PTPN3: variants seen among roughly 807,000 people sequenced by gnomAD.
PTPN3 encodes the protein protein tyrosine phosphatase non-receptor type 3.
A neutral mutation model predicts 132.7 loss-of-function variants in PTPN3; 96 were observed. The ratio of observed to expected loss-of-function variants is 0.72; its 90% CI spans 0.61 to 0.86. The LOEUF (loss-of-function observed/expected upper bound fraction) is 0.86, where lower values mean the gene tolerates loss of function less well. Ranked by LOEUF, PTPN3 falls within the 40% of genes least tolerant of loss-of-function variation. PTPN3 has a pLI of 0.00. For synonymous variants in PTPN3, 398 were observed against 429.0 expected (o/e 0.93, Z 0.89); for missense variants, 1,125 against 1,159.6 (o/e 0.97, Z 0.43).
At chr9:109,412,460 G>A (rs747803370) in intron 14 of PTPN3, among the ~76,000 whole-genome samples, 4 of 151,236 alleles carry the variant, frequency 2.6e-5, no homozygotes, top group South Asian at 2.1e-4. Flanking sequence ...TGCAACCTCC[G>A]CCTCCCGGGT....
At chr9:109,470,711 T>G (rs2132071196) in intron 1 of PTPN3, among the ~76,000 whole-genome samples, 1 of 151,294 alleles carries the variant, frequency 6.6e-6, no homozygotes, top group Admixed American at 6.6e-5. Context: ...AAAAAAAAAT[T>G]TACAAACACT....
rs770860303 is a variant in PTPN3 at position 109,410,061 on chromosome 9, T to A, written c.1516A>T (p.Ser506Cys). ...YYCDKNDNGD[S>C]YLVLIRITPD... ...GTGATACGGATCAAGACTAAGTAGCTGTCACCATTATCATTCTGGAAAACG... is the reference window on the plus strand; with the variant it reads ...GTGATACGGATCAAGACTAAGTAGCAGTCACCATTATCATTCTGGAAAACG... The change falls in exon 16 of 26, where the codon AGC (serine) becomes TGC (cysteine). Residue 506 changes from serine (S) to cysteine (C), a missense_variant. By Grantham distance (112) the Ser-to-Cys change is moderately radical. Transcript: ENST00000374541. The A allele has an allele frequency of 6.2e-6, 10 of 1,614,136 alleles. No homozygotes were observed. The highest frequency in any genetic ancestry group is 8.5e-6 in the Non-Finnish European group (10 of 1,180,060).
intron 19 of PTPN3, among the ~76,000 whole-genome samples, chr9:109,402,113 T>G (rs1841173938): frequency 6.6e-6 from 1 of 152,056 alleles, no homozygotes; most frequent in African/African-American, 2.4e-5. Flanking sequence ...ACAAACGACT[T>G]CTCACTGCCT....
At chr9:109,473,304 A>G (rs1000587227) in intron 1 of PTPN3, among the ~76,000 whole-genome samples, 1 of 152,188 alleles carries the variant, frequency 6.6e-6, no homozygotes, top group Non-Finnish European at 1.5e-5. Context: ...GCCCGGGTGG[A>G]GTCATTTGTA....
chr9:109,526,670 G>C, the PTPN3 span, among the ~76,000 whole-genome samples: 46 of 152,164 alleles, frequency 3.0e-4, 1 homozygote, highest in East Asian at 8.3e-3. Context: ...GTGAGCCCTT[G>C]TCTAAATAAA....
At chr9:109,463,206 T>C in intron 2 of PTPN3, 91 bp downstream of exon 2, 3 of 1,281,584 alleles carry the variant, frequency 2.3e-6, no homozygotes, top group Non-Finnish European at 3.2e-6. Flanking sequence ...TTTTAAAATA[T>C]TTTTTTCTTC....
chr9:109,408,796 A>ATATATATAT (rs1554783378), intron 16 of PTPN3, among the ~76,000 whole-genome samples: 51 of 108,346 alleles, frequency 4.7e-4, no homozygotes, highest in Admixed American at 1.5e-3. Flanking sequence ...AAAAAAAAAA[A>ATATATATAT]ATATATATAT....
intron 2 of PTPN3, among the ~76,000 whole-genome samples, chr9:109,461,971 C>G (rs1304722947): frequency 1.3e-5 from 2 of 152,178 alleles, no homozygotes; most frequent in Non-Finnish European, 2.9e-5. Flanking sequence ...TCTAATTAGA[C>G]TTTGGAGACA....
intron 4 of PTPN3, 77 bp from the exon 5 acceptor site, chr9:109,454,651 G>A: frequency 8.8e-7 from 1 of 1,141,938 alleles, no homozygotes; most frequent in African/African-American, 1.5e-5. Context: ...TCTTCCATAA[G>A]TGATGCATTT....
chr9:109,441,301 CAAAG>C (rs1303259546), intron 7 of PTPN3, among the ~76,000 whole-genome samples: 1 of 152,206 alleles, frequency 6.6e-6, no homozygotes, highest in Non-Finnish European at 1.5e-5. Context: ...TGTTTTGCAG[CAAAG>C]AGAGGGTATA....
intron 9 of PTPN3, among the ~76,000 whole-genome samples, chr9:109,434,393 C>T (rs1423865675): frequency 6.8e-6 from 1 of 147,040 alleles, no homozygotes; most frequent in Admixed American, 6.8e-5. Flanking sequence ...ACTGCAGCCT[C>T]AACCTCCTGG....
chr9:109,477,445 G>A (rs1209818287), intron 1 of PTPN3, among the ~76,000 whole-genome samples: 2 of 152,204 alleles, frequency 1.3e-5, no homozygotes, highest in African/African-American at 4.8e-5. Flanking sequence ...TTTCAGCAAA[G>A]TTATTTTAAA....
chr9:109,465,508 G>A (rs1588472072), intron 1 of PTPN3, among the ~76,000 whole-genome samples: 1 of 151,982 alleles, frequency 6.6e-6, no homozygotes, highest in Non-Finnish European at 1.5e-5. Context: ...TCAGGAGTTC[G>A]AGACCAGCCT....
chr9:109,438,327 A>G, intron 7 of PTPN3, 93 bp from the exon 8 acceptor site: 1 of 1,351,724 alleles, frequency 7.4e-7, no homozygotes, highest in Non-Finnish European at 1.0e-6. Flanking sequence ...TCAGAATAAC[A>G]TTAATTAGAA....
At chr9:109,456,950 C>T in intron 4 of PTPN3, among the ~76,000 whole-genome samples, 1 of 152,112 alleles carries the variant, frequency 6.6e-6, no homozygotes, top group East Asian at 1.9e-4. Context: ...CCTACTCTCA[C>T]CCTTCCCCTT....
chr9:109,415,077 A>AT (rs1564413770), intron 14 of PTPN3, among the ~76,000 whole-genome samples: 2 of 125,074 alleles, frequency 1.6e-5, no homozygotes, highest in Non-Finnish European at 3.4e-5. Flanking sequence ...CGTCCATCCA[A>AT]CCATCCATCC....
chr9:109,520,962 C>T, the PTPN3 span, among the ~76,000 whole-genome samples: 3 of 152,196 alleles, frequency 2.0e-5, no homozygotes, highest in African/African-American at 2.4e-5. Flanking sequence ...TGGGAATTGC[C>T]GGCTGACATG....
At chr9:109,416,997 G>A (rs2131817569) in intron 14 of PTPN3, among the ~76,000 whole-genome samples, 1 of 152,206 alleles carries the variant, frequency 6.6e-6, no homozygotes, top group East Asian at 1.9e-4. Flanking sequence ...CTTTCTTTAG[G>A]GAACATTCTC....
At chr9:109,415,263 A>G (rs1321244500) in intron 14 of PTPN3, among the ~76,000 whole-genome samples, 1 of 152,202 alleles carries the variant, frequency 6.6e-6, no homozygotes, top group African/African-American at 2.4e-5. Context: ...CCAAGTAATA[A>G]TATTATCATG....
Sources: allele counts gnomAD v4.1 joint callset (sites outside exome capture counted in the v4.1 genomes callset), GRCh38; gene constraint gnomAD v4.1.1; transcripts MANE v1.5; gene names NCBI Gene and HGNC (gene_info 2026-07-23, HGNC 2026-07-21).